KCNQ5: variants seen among roughly 807,000 people sequenced by gnomAD.
KCNQ5 encodes potassium voltage-gated channel subfamily KQT member 5.
In KCNQ5, 30 loss-of-function variants were observed where a neutral mutation model predicts 98.2. That is an observed-to-expected ratio of 0.31 (90% CI 0.23 to 0.41). The LOEUF (loss-of-function observed/expected upper bound fraction) is 0.41, where lower values mean the gene tolerates loss of function less well. Ranked by LOEUF, KCNQ5 falls within the 10% of genes least tolerant of loss-of-function variation. The pLI, the probability that KCNQ5 is intolerant of heterozygous loss-of-function variation, is 1.00. For synonymous variants in KCNQ5, 458 were observed against 449.4 expected (o/e 1.02, Z -0.24); for missense variants, 835 against 1,182.5 (o/e 0.71, Z 4.31).
At chr6:72,968,043 A>G (rs968864670) in intron 1 of KCNQ5, among the ~76,000 whole-genome samples, 3 of 152,190 alleles carry the variant, frequency 2.0e-5, no homozygotes, top group Non-Finnish European at 2.9e-5. Flanking sequence ...AACACAACCA[A>G]GTCTCAAAAT....
chr6:73,160,355 G>A (rs1000177993), intron 10 of KCNQ5, among the ~76,000 whole-genome samples: 1 of 152,172 alleles, frequency 6.6e-6, no homozygotes, highest in African/African-American at 2.4e-5. Flanking sequence ...ATTTTTGTCT[G>A]TGACTGTGTA....
chr6:72,974,388 A>AAAAG (rs1304617377), intron 1 of KCNQ5, among the ~76,000 whole-genome samples: 1 of 150,634 alleles, frequency 6.6e-6, no homozygotes, highest in Non-Finnish European at 1.5e-5. Context: ...CTAGTGGCAA[A>AAAAG]AAAAAAAAAA....
At chr6:72,803,055 GTTCAGGCC>G (rs1774743058) in intron 1 of KCNQ5, among the ~76,000 whole-genome samples, 1 of 152,076 alleles carries the variant, frequency 6.6e-6, no homozygotes, top group East Asian at 1.9e-4. Context: ...CAGGACATTT[GTTCAGGCC>G]TCTAATATCA....
intron 10 of KCNQ5, among the ~76,000 whole-genome samples, chr6:73,136,397 A>T (rs1776473286): frequency 6.6e-6 from 1 of 152,240 alleles, no homozygotes; most frequent in South Asian, 2.1e-4. Context: ...CAATATTTTC[A>T]GTATCTGCAA....
chr6:73,074,167 A>G (rs1003704169), intron 3 of KCNQ5, among the ~76,000 whole-genome samples: 1 of 152,254 alleles, frequency 6.6e-6, no homozygotes, highest in Admixed American at 6.5e-5. Context: ...TGAACAAAAC[A>G]ATGATAAAAC....
intron 10 of KCNQ5, among the ~76,000 whole-genome samples, chr6:73,143,943 G>A (rs938788179): frequency 2.0e-5 from 3 of 152,206 alleles, no homozygotes; most frequent in African/African-American, 7.2e-5. Flanking sequence ...CCATATTTAA[G>A]AGAAGCACTT....
At chr6:72,844,721 G>C (rs985972610) in intron 1 of KCNQ5, among the ~76,000 whole-genome samples, 2 of 152,124 alleles carry the variant, frequency 1.3e-5, no homozygotes, top group Non-Finnish European at 2.9e-5. Context: ...AAAACAAATT[G>C]TAAAGTAATC....
intron 1 of KCNQ5, chr6:72,986,690 G>T: frequency 9.0e-7 from 1 of 1,115,598 alleles, no homozygotes; most frequent in Non-Finnish European, 1.3e-6. Flanking sequence ...GTTCCTCTGT[G>T]GGGAGAAGAA....
chr6:72,853,661 G>T (rs1053685348), intron 1 of KCNQ5, among the ~76,000 whole-genome samples: 1 of 152,186 alleles, frequency 6.6e-6, no homozygotes, highest in Non-Finnish European at 1.5e-5. Context: ...CCTGGCTGAT[G>T]TGCAGCCATG....
At chr6:72,726,065 T>A (rs1770247631) in intron 1 of KCNQ5, among the ~76,000 whole-genome samples, 1 of 151,168 alleles carries the variant, frequency 6.6e-6, no homozygotes, top group Non-Finnish European at 1.5e-5. Context: ...TGTATAAACA[T>A]CCTCATCTCA....
chr6:73,093,267 C>G lies in KCNQ5; in HGVS notation c.919-11990C>G, dbSNP rs1313846328. Among the ~76,000 whole-genome samples the G allele has an allele frequency of 4.6e-5, 7 of 152,026 alleles. No individual in the cohort carries two copies. In the East Asian group the frequency reaches 1.3e-3, roughly 29 times the overall value. On this transcript the variant is annotated intron_variant, in intron 5 of 13. Coordinates refer to ENST00000370398, the MANE Select transcript of KCNQ5 (RefSeq NM_019842.4). ...AGTTGTAATATCTCCCATTTCATTT[C>G]TTCTTGAGCTAATTTGCATTTTCTC...
At chr6:72,625,781 G>C (rs911747653) in intron 1 of KCNQ5, among the ~76,000 whole-genome samples, 1 of 152,122 alleles carries the variant, frequency 6.6e-6, no homozygotes, top group Non-Finnish European at 1.5e-5. Flanking sequence ...CAGGCAAAAG[G>C]TCATTAACTA....
intron 10 of KCNQ5, among the ~76,000 whole-genome samples, chr6:73,148,047 A>C (rs1051423025): frequency 1.3e-5 from 2 of 152,180 alleles, no homozygotes; most frequent in African/African-American, 4.8e-5. Flanking sequence ...AGAAGAAAGA[A>C]AACAAATTTT....
intron 1 of KCNQ5, among the ~76,000 whole-genome samples, chr6:72,757,424 A>G (rs1327467451): frequency 6.6e-6 from 1 of 152,206 alleles, no homozygotes. Flanking sequence ...AAATATCATT[A>G]ATCAAAAATG....
intron 1 of KCNQ5, among the ~76,000 whole-genome samples, chr6:72,865,520 T>C (rs1243489555): frequency 6.6e-6 from 1 of 152,190 alleles, no homozygotes; most frequent in Non-Finnish European, 1.5e-5. Flanking sequence ...GCATTATCTC[T>C]TTGACAGGCT....
intron 1 of KCNQ5, among the ~76,000 whole-genome samples, chr6:72,733,481 C>T (rs563671395): frequency 6.6e-6 from 1 of 152,182 alleles, no homozygotes; most frequent in African/African-American, 2.4e-5. Flanking sequence ...TACTTTCAAG[C>T]AGTGATGCTC....
chr6:72,824,942 A>C (rs1205418417), intron 1 of KCNQ5, among the ~76,000 whole-genome samples: 4 of 152,104 alleles, frequency 2.6e-5, no homozygotes, highest in Non-Finnish European at 5.9e-5. Context: ...GCACCTTTAT[A>C]GCCCTTCTCT....
chr6:73,111,534 C>T (rs1775240133), intron 7 of KCNQ5, 131 bp downstream of exon 7: 1 of 676,486 alleles, frequency 1.5e-6, no homozygotes. Flanking sequence ...GAAGTCAGAA[C>T]TTAATGTACA....
intron 11 of KCNQ5, among the ~76,000 whole-genome samples, chr6:73,186,685 G>A (rs1377589364): frequency 6.6e-6 from 1 of 152,124 alleles, no homozygotes; most frequent in Non-Finnish European, 1.5e-5. Context: ...AAATAATTAG[G>A]AAATGGTGAG....
Sources: gnomAD v4.1 joint callset for allele counts (sites outside exome capture counted in the v4.1 genomes callset) on GRCh38, gnomAD v4.1.1 for gene constraint, MANE v1.5 for transcripts, NCBI Gene and HGNC (gene_info 2026-07-23, HGNC 2026-07-21) for gene names.